Variants in DAAM1 observed in about 807,000 individuals in gnomAD.
The protein encoded by DAAM1 is disheveled-associated activator of morphogenesis 1.
Under a neutral mutation model 130.0 loss-of-function variants are expected in DAAM1, and 52 were observed. The ratio of observed to expected loss-of-function variants is 0.40; its 90% CI spans 0.32 to 0.50. The LOEUF (loss-of-function observed/expected upper bound fraction) is 0.50. Ranked by LOEUF, DAAM1 falls within the 20% of genes least tolerant of loss-of-function variation. The probability of loss-of-function intolerance (pLI) is 0.61; values close to 1 mark genes in which losing one functional copy is unlikely to be tolerated. For missense variants in DAAM1, 1,134 were observed against 1,303.8 expected (o/e 0.87, Z 2.01); for synonymous variants, 452 against 444.5 (o/e 1.02, Z -0.21).
intron 20 of DAAM1, among the ~76,000 whole-genome samples, chr14:59,355,669 A>G (rs1886452760): frequency 6.6e-6 from 1 of 152,182 alleles, no homozygotes; most frequent in African/African-American, 2.4e-5. Context: ...TACTAAGAAG[A>G]GGTCAGTCAT....
At chr14:59,240,381 A>C (rs969277629) in intron 1 of DAAM1, among the ~76,000 whole-genome samples, 1 of 152,182 alleles carries the variant, frequency 6.6e-6, no homozygotes, top group African/African-American at 2.4e-5. Context: ...TTCCCATCTC[A>C]TTTAGTCAAG....
At chr14:59,213,429 C>T (rs576855614) in intron 1 of DAAM1, among the ~76,000 whole-genome samples, 125 of 151,748 alleles carry the variant, frequency 8.2e-4, no homozygotes, top group African/African-American at 2.9e-3. Flanking sequence ...AATGCAATGC[C>T]CAGAGTATTT....
intron 12 of DAAM1, 81 bp downstream of exon 12, chr14:59,327,072 T>C (rs772398586): frequency 1.9e-4 from 275 of 1,480,498 alleles, no homozygotes; most frequent in Non-Finnish European, 2.5e-4. Context: ...GAAATTTACA[T>C]TGATGTTTCT....
intron 1 of DAAM1, among the ~76,000 whole-genome samples, chr14:59,209,427 A>G (rs1446628907): frequency 4.6e-5 from 7 of 152,326 alleles, no homozygotes; most frequent in African/African-American, 7.2e-5. Flanking sequence ...TCGTTTTTCT[A>G]AAAGGAAAGA....
chr14:59,231,235 T>A (rs774707932), intron 1 of DAAM1, among the ~76,000 whole-genome samples: 22 of 152,234 alleles, frequency 1.4e-4, no homozygotes, highest in Non-Finnish European at 2.9e-4. Context: ...AATGTGATGT[T>A]TTGATTTATG....
rs1298248255 is a variant in DAAM1, at chr14:59,198,488, C to G, written c.-38+9720C>G. On this transcript the variant is annotated intron_variant, in intron 1 of 24. Transcript: ENST00000360909. ...TCATGATCCGCCTGCCTCGGCTTCC[C>G]AAAGTGCTAGGATTACAGGCATGAG... Among the ~76,000 whole-genome samples, 4 of 152,208 alleles carry G rather than the reference C, an allele frequency of 2.6e-5. No individual in the cohort carries two copies. In the East Asian group the frequency reaches 7.7e-4, roughly 29 times the overall value.
intron 20 of DAAM1, among the ~76,000 whole-genome samples, chr14:59,358,836 CAAA>C (rs35150898): frequency 1.7e-4 from 24 of 137,896 alleles, no homozygotes; most frequent in Admixed American, 1.5e-4. Flanking sequence ...GACCCCATCT[CAAA>C]AAAAAAAAAA....
At chr14:59,351,255 T>A (rs185828182) in intron 17 of DAAM1, among the ~76,000 whole-genome samples, 1 of 152,318 alleles carries the variant, frequency 6.6e-6, no homozygotes, top group Non-Finnish European at 1.5e-5. Flanking sequence ...CAGGCCACCA[T>A]CATCTCTCAC....
At chr14:59,359,869 C>T (rs766284240) in intron 21 of DAAM1, among the ~76,000 whole-genome samples, 28 of 152,294 alleles carry the variant, frequency 1.8e-4, no homozygotes, top group Non-Finnish European at 3.2e-4. Flanking sequence ...GAAACCAAGG[C>T]GGCTCTTTAA....
At chr14:59,273,804 T>G (rs1333931202) in intron 2 of DAAM1, among the ~76,000 whole-genome samples, 1 of 152,234 alleles carries the variant, frequency 6.6e-6, no homozygotes, top group Non-Finnish European at 1.5e-5. Context: ...AAGGATCTGG[T>G]AGTTTGTGCA....
chr14:59,305,385 A>G (rs1183462219), intron 3 of DAAM1, among the ~76,000 whole-genome samples: 1 of 152,220 alleles, frequency 6.6e-6, no homozygotes, highest in Non-Finnish European at 1.5e-5. Context: ...GGGAGTTGTC[A>G]TATAAATTGG....
intron 1 of DAAM1, among the ~76,000 whole-genome samples, chr14:59,227,574 A>G (rs1888979132): frequency 6.6e-6 from 1 of 152,162 alleles, no homozygotes; most frequent in African/African-American, 2.4e-5. Flanking sequence ...AAATGGGAGG[A>G]TTCACATATA....
chr14:59,256,807 G>A (rs1293631389), intron 1 of DAAM1, among the ~76,000 whole-genome samples: 1 of 152,134 alleles, frequency 6.6e-6, no homozygotes, highest in African/African-American at 2.4e-5. Context: ...TCCCAAAATG[G>A]CATTTTGAGT....
intron 10 of DAAM1, 77 bp downstream of exon 10, chr14:59,326,154 T>C: frequency 7.3e-7 from 1 of 1,367,820 alleles, no homozygotes; most frequent in Non-Finnish European, 1.0e-6. Flanking sequence ...TCCTGCACAG[T>C]GCTGATTACA....
chr14:59,242,598 C>A (rs147327353), intron 1 of DAAM1, among the ~76,000 whole-genome samples: 2 of 152,018 alleles, frequency 1.3e-5, no homozygotes, highest in Admixed American at 1.3e-4. Context: ...TCGCTCTATC[C>A]CCCAGGCTGG....
At chr14:59,365,453 A>AAGAACTCTTTTCTAATAGAATATTT (rs1486076781) in intron 23 of DAAM1, among the ~76,000 whole-genome samples, 5 of 147,248 alleles carry the variant, frequency 3.4e-5, no homozygotes, top group Non-Finnish European at 6.0e-5. Context: ...TTTTTGCCCA[A>AAGAACTCTTTTCTAATAGAATATTT]AGAACTCTTT....
intron 5 of DAAM1, among the ~76,000 whole-genome samples, chr14:59,322,087 G>A (rs1325081747): frequency 6.6e-6 from 1 of 152,124 alleles, no homozygotes; most frequent in African/African-American, 2.4e-5. Context: ...GAAGAATTTT[G>A]TCACAAAACC....
chr14:59,193,316 G>A (rs576489722), intron 1 of DAAM1, among the ~76,000 whole-genome samples: 24 of 152,250 alleles, frequency 1.6e-4, no homozygotes, highest in Admixed American at 1.2e-3. Flanking sequence ...TTGAAGTGTG[G>A]ATCTGAAGTT....
At chr14:59,192,073 A>G (rs1252906) in intron 1 of DAAM1, among the ~76,000 whole-genome samples, 1 of 151,682 alleles carries the variant, frequency 6.6e-6, no homozygotes, top group African/African-American at 2.4e-5. Flanking sequence ...TGGTGCTTAC[A>G]GGAGCTCCAT....
Sources: allele counts gnomAD v4.1 joint callset (sites outside exome capture counted in the v4.1 genomes callset), GRCh38; gene constraint gnomAD v4.1.1; transcripts MANE v1.5; gene names NCBI Gene and HGNC (gene_info 2026-07-23, HGNC 2026-07-21).